The following C4orf50 variants were observed in gnomAD, a reference collection of about 807,000 sequenced individuals.
C4orf50 encodes the protein chromosome 4 open reading frame 50, also known as uncharacterized protein C4orf50.
In C4orf50, 80 loss-of-function variants were observed where a neutral mutation model predicts 77.2. The ratio of observed to expected loss-of-function variants is 1.04; its 90% confidence interval spans 0.87 to 1.25. The LOEUF (loss-of-function observed/expected upper bound fraction) is 1.25, where lower values mean the gene tolerates loss of function less well. C4orf50 is among the 50% of genes most tolerant of loss of function. C4orf50 has a pLI of 0.00. For missense variants in C4orf50, 1,257 were observed against 1,152.9 expected (o/e 1.09, Z -1.31); for synonymous variants, 532 against 465.3 (o/e 1.14, Z -1.84).
At chr4:5,960,860 T>A (rs12506561) in intron 33 of C4orf50, among the ~76,000 whole-genome samples, 101,942 of 152,020 alleles carry the variant, frequency 0.67, 34,999 homozygotes, top group African/African-American at 0.75. Context: ...CTTATAATAA[T>A]AATAATGATA....
intron 7 of C4orf50, among the ~76,000 whole-genome samples, chr4:5,941,632 C>T (rs970646722): frequency 1.3e-5 from 2 of 152,252 alleles, no homozygotes; most frequent in African/African-American, 4.8e-5. Context: ...TTCTACAACA[C>T]AGAAGACACG....
exon 28 of C4orf50, chr4:5,989,845 T>C: frequency 6.8e-7 from 1 of 1,465,268 alleles, no homozygotes; most frequent in South Asian, 1.4e-5. Context: ...TGCTTCTTGA[T>C]GCGGCATCTC....
intron 7 of C4orf50, among the ~76,000 whole-genome samples, chr4:5,912,144 T>C (rs1716834208): frequency 6.6e-6 from 1 of 152,184 alleles, no homozygotes; most frequent in Non-Finnish European, 1.5e-5. Flanking sequence ...TTCCGTGGTG[T>C]AAACACTCCT....
chr4:6,004,378 ATGATGGTGATGGTGG>A (rs1560599211), intron 25 of C4orf50, among the ~76,000 whole-genome samples: 7 of 33,196 alleles, frequency 2.1e-4, no homozygotes, highest in African/African-American at 2.8e-4. Context: ...GGTGATGGTG[ATGATGGTGATGGTGG>A]TGATGGTGAT....
chr4:5,974,825 GGAGAAAACCTTTCT>G (rs1293400271), intron 30 of C4orf50, among the ~76,000 whole-genome samples: 2 of 152,132 alleles, frequency 1.3e-5, no homozygotes, highest in Non-Finnish European at 2.9e-5. Context: ...CTAGATACGT[GGAGAAAACCTTTCT>G]GAGAAAACCT....
intron 31 of C4orf50, 55 bp from the exon 10 acceptor site, chr4:5,967,517 T>C (rs1175850765): frequency 1.3e-6 from 2 of 1,530,248 alleles, no homozygotes; most frequent in Non-Finnish European, 1.8e-6. Flanking sequence ...GAGACAGCCT[T>C]GCACAGAAGA....
At chr4:6,004,188 GTGATGATGGTGATGGTGA>G (rs1320201426) in intron 25 of C4orf50, among the ~76,000 whole-genome samples, 2 of 148,446 alleles carry the variant, frequency 1.3e-5, no homozygotes, top group African/African-American at 5.0e-5. Context: ...GATGGTGATG[GTGATGATGGTGATGGTGA>G]TGATGGTGAT....
chr4:5,913,614 G>A (rs762557254), intron 7 of C4orf50, among the ~76,000 whole-genome samples: 18 of 152,158 alleles, frequency 1.2e-4, no homozygotes, highest in Non-Finnish European at 1.6e-4. Context: ...TTAACATTCC[G>A]GTCCAATTGA....
In C4orf50 at chr4:5,919,250, GC is replaced by G. The variant is rs1380000274; in HGVS notation, c.*2475-21063del. Among the ~76,000 whole-genome samples, 5 of 152,332 alleles carry G rather than the reference GC, an allele frequency of 3.3e-5. No homozygotes were observed. In the East Asian group the frequency reaches 9.7e-4, roughly 29 times the overall value. On this transcript the variant is annotated intron_variant, in intron 7 of 7. Transcript: ENST00000324058. The surrounding 1 kb of genome is among the most constrained non-coding windows in gnomAD (Gnocchi z 6.5). ...AGGGGCCTGTTTCCAGTTCAGAGGA[GC>G]CCCAGGCTTGAGGGTTGGCAGACCC...
intron 33 of C4orf50, among the ~76,000 whole-genome samples, chr4:5,963,465 T>C (rs1199617510): frequency 6.6e-6 from 1 of 152,110 alleles, no homozygotes; most frequent in Non-Finnish European, 1.5e-5. Flanking sequence ...ATAGCTATCT[T>C]TTTTTTAATA....
chr4:5,981,651 G>A (rs1720595003), intron 28 of C4orf50, among the ~76,000 whole-genome samples: 1 of 152,042 alleles, frequency 6.6e-6, no homozygotes, highest in African/African-American at 2.4e-5. Flanking sequence ...TGATCCACCC[G>A]CCTCAGCCTC....
In C4orf50 at chr4:5,951,544, T is replaced by C. The variant is rs1429609523; in HGVS notation, c.*2474+5357A>G. Among the ~76,000 whole-genome samples the C allele has an allele frequency of 2.0e-5, 3 of 152,230 alleles. No individual in the cohort carries two copies. The East Asian group carries it at 5.8e-4, about 29-fold the overall frequency. Reference sequence around the variant, plus strand: ...ACCTTCATGAGCAAAGAAATACAAATGTGAAGCTGAGAAAGGAAGTCACTT... The same window carrying C: ...ACCTTCATGAGCAAAGAAATACAAACGTGAAGCTGAGAAAGGAAGTCACTT... On this transcript the variant is annotated intron_variant, in intron 7 of 7. Transcript: ENST00000324058.
chr4:5,965,074 T>C (rs6839295), exon 33 of C4orf50: 514,121 of 1,611,870 alleles, frequency 0.32, 84,229 homozygotes, highest in Admixed American at 0.43. Flanking sequence ...GGCTCGGGAA[T>C]AGGCCAGGAC....
chr4:5,981,748 C>T (rs1720601223), intron 28 of C4orf50, among the ~76,000 whole-genome samples: 1 of 152,090 alleles, frequency 6.6e-6, no homozygotes, highest in African/African-American at 2.4e-5. Flanking sequence ...GCTGAGGCGG[C>T]CTTAGAAGAA....
intron 7 of C4orf50, among the ~76,000 whole-genome samples, chr4:5,948,363 A>T (rs1212242033): frequency 6.6e-6 from 1 of 152,210 alleles, no homozygotes; most frequent in Non-Finnish European, 1.5e-5. Context: ...TGCTAACATC[A>T]CAGAAAGAGA....
intron 7 of C4orf50, among the ~76,000 whole-genome samples, chr4:5,912,986 C>T (rs933174106): frequency 6.6e-6 from 1 of 152,238 alleles, no homozygotes; most frequent in Non-Finnish European, 1.5e-5. Flanking sequence ...GGCGTGCTCA[C>T]AGGGGAGTCA....
intron 7 of C4orf50, among the ~76,000 whole-genome samples, chr4:5,925,924 T>C (rs1372845389): frequency 6.6e-6 from 1 of 152,074 alleles, no homozygotes; most frequent in African/African-American, 2.4e-5. Context: ...ATCTCAGCAA[T>C]GCAGAGAAAC....
rs1721787890 is a variant in C4orf50 at position 6,000,536 on chromosome 4, C to T, written c.964-6060G>A. On this transcript the variant is annotated intron_variant, in intron 25 of 33. Transcript: ENST00000531445. This position sits in a 1 kb window ranked among gnomAD's most constrained non-coding sequence, Gnocchi z 6.0. ...CAGAGACTGGCAGCCTTGTCACATG[C>T]TGCAGCCTGGGTCCAGCCCCCACTG... Among the ~76,000 whole-genome samples, 1 of 152,172 alleles carries T rather than the reference C, an allele frequency of 6.6e-6. No individual in the cohort carries two copies. The highest frequency in any genetic ancestry group is 2.4e-5 in the African/African-American group (1 of 41,446).
At position 5,970,524 on chromosome 4, in the gene C4orf50, C is replaced by G. The variant is rs1436249985; in HGVS notation, c.4105-3062G>C. 1.3e-5 allele frequency among the ~76,000 whole-genome samples: 2 copies of G among 152,190 alleles called. No individual in the cohort carries two copies. Among genetic ancestry groups the G allele is most frequent in the Non-Finnish European group, 2.9e-5 (2 of 68,038 alleles). ...GACGCTAGTGACCCGGATGGCACAA[C>G]AGCAGATGCCAGCACAGACAGCGGT... On this transcript the variant is annotated intron_variant, in intron 31 of 33. Transcript: ENST00000531445. This position sits in a 1 kb window ranked among gnomAD's most constrained non-coding sequence, Gnocchi z 4.3.
Sources: gnomAD v4.1 joint callset for allele counts (sites outside exome capture counted in the v4.1 genomes callset) on GRCh38, gnomAD v4.1.1 for gene constraint, Gnocchi (gnomAD v3.1) non-coding constraint, MANE v1.5 for transcripts, NCBI Gene and HGNC (gene_info 2026-07-23, HGNC 2026-07-21) for gene names.